Variants in GNG7 observed in about 807,000 individuals in gnomAD.
GNG7 encodes the protein guanine nucleotide-binding protein G(I)/G(S)/G(O) subunit gamma-7.
A neutral mutation model predicts 4.0 loss-of-function variants in GNG7; 1 was observed. The observed-to-expected ratio is 0.25, with a 90% CI of 0.09 to 1.18. The LOEUF is 1.18. Ranked by LOEUF, GNG7 falls within the 50% of genes most tolerant of loss-of-function variation. GNG7 has a pLI of 0.50. For synonymous variants in GNG7, 34 were observed against 36.9 expected (o/e 0.92, Z 0.29); for missense variants, 86 against 91.9 (o/e 0.94, Z 0.26).
intron 2 of GNG7, among the ~76,000 whole-genome samples, chr19:2,616,531 C>T (rs759368912): frequency 6.6e-6 from 1 of 152,202 alleles, no homozygotes; most frequent in Non-Finnish European, 1.5e-5. Context: ...AATCCCAGCA[C>T]TTTGGGAGGC....
intron 1 of GNG7, among the ~76,000 whole-genome samples, chr19:2,673,262 AAAAAACAAAACAAAACAAAACAAAAC>A (rs1208956330): frequency 2.1e-5 from 3 of 141,228 alleles, no homozygotes; most frequent in East Asian, 2.0e-4. Context: ...CATCTCAAAA[AAAAAACAAAACAAAACAAAACAAAAC>A]AAAAAAAAAC....
chr19:2,645,349 G>A (rs1391827328), intron 2 of GNG7, among the ~76,000 whole-genome samples: 5 of 149,822 alleles, frequency 3.3e-5, no homozygotes, highest in Non-Finnish European at 7.4e-5. Context: ...AGTGATTCTC[G>A]CACCTCAGCC....
chr19:2,548,481 GAAA>G (rs34242476), intron 3 of GNG7, among the ~76,000 whole-genome samples: 17 of 77,318 alleles, frequency 2.2e-4, no homozygotes, highest in Admixed American at 5.2e-4. Context: ...GCTCTGTCTG[GAAA>G]AAAAAAAAAA....
At chr19:2,607,894 A>G (rs1213471442) in intron 2 of GNG7, among the ~76,000 whole-genome samples, 1 of 152,070 alleles carries the variant, frequency 6.6e-6, no homozygotes, top group Non-Finnish European at 1.5e-5. Context: ...CAGGACAGCA[A>G]TACGTTCAGG....
At position 2,609,225 on chromosome 19, in the gene GNG7, C is replaced by T. The variant is rs1475671748; in HGVS notation, c.-78+36999G>A. The stretch of plus-strand genomic sequence containing the variant: ...ATTTTTCGTAGAGATGGGGGTCTCA[C>T]TATGTTGCCAAGGCTGGTCTTGAAC... On this transcript the variant is annotated intron_variant, in intron 2 of 4. Coordinates refer to ENST00000382159, the MANE Select transcript of GNG7 (RefSeq NM_052847.3). This position sits in a 1 kb window ranked among gnomAD's most constrained non-coding sequence, Gnocchi z 4.4. Among the ~76,000 whole-genome samples, 1 of 152,092 alleles carries T rather than the reference C, an allele frequency of 6.6e-6. No homozygotes were observed. Among genetic ancestry groups the T allele is most frequent in the African/African-American group, 2.4e-5 (1 of 41,424 alleles).
At chr19:2,695,610 G>A (rs899990009) in intron 1 of GNG7, among the ~76,000 whole-genome samples, 2 of 151,804 alleles carry the variant, frequency 1.3e-5, no homozygotes, top group African/African-American at 2.4e-5. Context: ...AAGTGGGGGT[G>A]GGGTACTTGA....
intron 2 of GNG7, among the ~76,000 whole-genome samples, chr19:2,578,502 G>A (rs1269800191): frequency 6.6e-6 from 1 of 152,202 alleles, no homozygotes; most frequent in Non-Finnish European, 1.5e-5. Flanking sequence ...GAGACTGCCC[G>A]TCCTGCAGGG....
rs1192646070 is a variant in GNG7 at position 2,621,975 on chromosome 19, C to T, written c.-78+24249G>A. The stretch of plus-strand genomic sequence containing the variant: ...CTGTGGTCACCTGTTATGGCAGCCA[C>T]AAGAGGCTCGTCTGCCCCTTTTCTC... On this transcript the variant is annotated intron_variant, in intron 2 of 4. Transcript: ENST00000382159. Among the ~76,000 whole-genome samples, 3 of 152,158 alleles carry T rather than the reference C, an allele frequency of 2.0e-5. No individual in the cohort carries two copies. In the South Asian group the frequency reaches 6.2e-4, roughly 32 times the overall value.
intron 3 of GNG7, among the ~76,000 whole-genome samples, chr19:2,532,184 C>T (rs1251830495): frequency 6.6e-6 from 1 of 150,910 alleles, no homozygotes; most frequent in Non-Finnish European, 1.5e-5. Context: ...CAAAAACCAG[C>T]ACTACAAAGA....
intron 3 of GNG7, among the ~76,000 whole-genome samples, chr19:2,527,278 G>A (rs1978436343): frequency 6.6e-6 from 1 of 152,210 alleles, no homozygotes; most frequent in African/African-American, 2.4e-5. Flanking sequence ...TCAGAACCGG[G>A]ACCCTGAGGT....
intron 3 of GNG7, among the ~76,000 whole-genome samples, chr19:2,524,652 G>A (rs1020738149): frequency 1.3e-5 from 2 of 152,232 alleles, no homozygotes; most frequent in African/African-American, 2.4e-5. Context: ...ACACATCTAC[G>A]TGTGTGCGTC....
chr19:2,603,802 G>C (rs1309091301), intron 2 of GNG7, among the ~76,000 whole-genome samples: 1 of 152,072 alleles, frequency 6.6e-6, no homozygotes, highest in Admixed American at 6.6e-5. Context: ...TTTTACAGAA[G>C]GAGGAACTAA....
chr19:2,603,839 T>TTTATTA lies in GNG7; in HGVS notation c.-78+42379_-78+42384dup, dbSNP rs10647731. On this transcript the variant is annotated intron_variant, in intron 2 of 4. Coordinates refer to ENST00000382159, the MANE Select transcript of GNG7 (RefSeq NM_052847.3). ...CGTTTAAGGGAGAAGTGCCTGTTCTTTTATTATTATTATTATTATTTTATT... is the reference window on the plus strand; with the variant it reads ...CGTTTAAGGGAGAAGTGCCTGTTCTTTTATTATTATTATTATTATTATTATTTTATT... 5.7e-3 allele frequency among the ~76,000 whole-genome samples: 853 copies of TTTATTA among 150,454 alleles called. 6 individuals carry two copies. Among genetic ancestry groups the TTTATTA allele is most frequent in the African/African-American group, 0.02 (793 of 40,664 alleles).
chr19:2,670,557 G>GTCTCTACTAAAAATACAAAAAATTA (rs1983426009), intron 1 of GNG7, among the ~76,000 whole-genome samples: 1 of 151,742 alleles, frequency 6.6e-6, no homozygotes, highest in African/African-American at 2.4e-5. Context: ...AGCTGCCTCG[G>GTCTCTACTAAAAATACAAAAAATTA]GCATGGCTGT....
intron 3 of GNG7, among the ~76,000 whole-genome samples, chr19:2,540,910 G>A (rs1046961316): frequency 1.3e-5 from 2 of 152,162 alleles, no homozygotes; most frequent in Admixed American, 6.5e-5. Context: ...TGCCACTCCC[G>A]GCTCGATAAA....
At chr19:2,668,238 A>G (rs1398429969) in intron 1 of GNG7, among the ~76,000 whole-genome samples, 1 of 151,844 alleles carries the variant, frequency 6.6e-6, no homozygotes, top group Non-Finnish European at 1.5e-5. Flanking sequence ...AAAAAGAGAC[A>G]GAGAGAAGAG....
intron 2 of GNG7, among the ~76,000 whole-genome samples, chr19:2,599,610 G>C (rs1599414316): frequency 6.6e-6 from 1 of 152,112 alleles, no homozygotes; most frequent in Non-Finnish European, 1.5e-5. Context: ...GTTCAGGCAC[G>C]GCCTAAAGGC....
chr19:2,638,236 A>G (rs946221101), intron 2 of GNG7, among the ~76,000 whole-genome samples: 2 of 149,782 alleles, frequency 1.3e-5, no homozygotes, highest in African/African-American at 4.9e-5. Flanking sequence ...GGTGGCATGC[A>G]CCTGTAATCC....
At chr19:2,637,255 T>C (rs922528146) in intron 2 of GNG7, among the ~76,000 whole-genome samples, 2 of 151,604 alleles carry the variant, frequency 1.3e-5, no homozygotes, top group Non-Finnish European at 2.9e-5. Context: ...GTTGTCGTTG[T>C]TGTTTTGCCC....
Sources: gnomAD v4.1 joint callset for allele counts (sites outside exome capture counted in the v4.1 genomes callset) on GRCh38, gnomAD v4.1.1 for gene constraint, Gnocchi (gnomAD v3.1) non-coding constraint, MANE v1.5 for transcripts, NCBI Gene and HGNC (gene_info 2026-07-23, HGNC 2026-07-21) for gene names.